Variants in JAKMIP1 observed in about 807,000 individuals in gnomAD.
JAKMIP1 encodes the protein janus kinase and microtubule-interacting protein 1.
Under a neutral mutation model 113.0 loss-of-function variants are expected in JAKMIP1, and 33 were observed. The observed-to-expected ratio is 0.29, with a 90% CI of 0.22 to 0.39. JAKMIP1 has a LOEUF of 0.39. Among genes scored for constraint, JAKMIP1 ranks in the 10% least tolerant of loss-of-function variants. The pLI is 1.00. For synonymous variants in JAKMIP1, 480 were observed against 459.9 expected (o/e 1.04, Z -0.56); for missense variants, 813 against 1,080.5 (o/e 0.75, Z 3.47).
chr4:6,121,094 G>T (rs2108908504), intron 1 of JAKMIP1, among the ~76,000 whole-genome samples: 1 of 151,746 alleles, frequency 6.6e-6, no homozygotes, highest in African/African-American at 2.4e-5. Flanking sequence ...CAGCTACTTG[G>T]GAGGCTGAGG....
chr4:6,126,614 A>C (rs559591666), intron 1 of JAKMIP1, among the ~76,000 whole-genome samples: 7 of 138,042 alleles, frequency 5.1e-5, no homozygotes, highest in African/African-American at 1.6e-4. Context: ...CACCATGCAG[A>C]AACACACACA....
intron 1 of JAKMIP1, among the ~76,000 whole-genome samples, chr4:6,173,045 G>C (rs1338077206): frequency 1.3e-5 from 2 of 152,286 alleles, no homozygotes; most frequent in South Asian, 2.1e-4. Flanking sequence ...GATTAACAAA[G>C]GATAAACAAT....
At chr4:6,107,002 C>T (rs895060254) in intron 2 of JAKMIP1, among the ~76,000 whole-genome samples, 1 of 152,086 alleles carries the variant, frequency 6.6e-6, no homozygotes, top group Non-Finnish European at 1.5e-5. Context: ...TTGATAAATC[C>T]TTACTTAAAA....
In JAKMIP1 at chr4:6,085,604, C is replaced by T. The variant is rs748298581; in HGVS notation, c.650G>A (p.Arg217His). The T allele has an allele frequency of 6.8e-6, 11 of 1,614,020 alleles. No homozygotes were observed. Among genetic ancestry groups the T allele is most frequent in the Non-Finnish European group, 4.2e-6 (5 of 1,180,042 alleles). The change falls in exon 4 of 21, where the codon CGT (arginine) becomes CAT (histidine). Residue 217 changes from arginine to histidine, a missense_variant. Arg to His is a conservative substitution (Grantham distance 29). Around this residue, in one of 2 missense-constraint regions of JAKMIP1, gnomAD observed 540 missense variants for 653.9 expected, o/e 0.83. Transcript: ENST00000409021. ...TTCCTTCTCCAAGGCCAGAATCACACGGTCTTTCCCTTTGATCTCATCCAT... is the reference window on the plus strand; with the variant it reads ...TTCCTTCTCCAAGGCCAGAATCACATGGTCTTTCCCTTTGATCTCATCCAT... ...RLMDEIKGKD[R>H]VILALEKELG...
At chr4:6,046,587 T>TG (rs1225417127) in intron 16 of JAKMIP1, among the ~76,000 whole-genome samples, 2 of 74,078 alleles carry the variant, frequency 2.7e-5, no homozygotes, top group Non-Finnish European at 5.6e-5. Context: ...CGGGCGGCAG[T>TG]GGGGGTGGGC....
intron 3 of JAKMIP1, among the ~76,000 whole-genome samples, chr4:6,092,803 AT>A (rs1458170052): frequency 6.6e-6 from 1 of 152,188 alleles, no homozygotes; most frequent in Non-Finnish European, 1.5e-5. Context: ...ATTCCCCCAG[AT>A]TCAGGTGCAG....
At chr4:6,170,299 C>T (rs114186108) in intron 1 of JAKMIP1, among the ~76,000 whole-genome samples, 6,205 of 143,740 alleles carry the variant, frequency 0.043, 188 homozygotes, top group African/African-American at 0.065. Flanking sequence ...TCACTGTCAA[C>T]ACCATCATAA....
rs1337722975 is a variant in JAKMIP1 at position 6,097,460 on chromosome 4, A to G, written c.624+8013T>C. On this transcript the variant is annotated intron_variant, in intron 3 of 20. Transcript: ENST00000409021. The surrounding 1 kb of genome is among the most constrained non-coding windows in gnomAD (Gnocchi z 4.3). ...AGCTCTATCACAGCTGATGGGGGCT[A>G]GGGGGATCTTTTTTCCCCTTGGGTA... is the stretch of plus-strand genomic sequence containing the variant. Among the ~76,000 whole-genome samples the G allele has an allele frequency of 5.9e-5, 9 of 152,282 alleles. No individual in the cohort carries two copies. The East Asian group carries it at 1.7e-3, about 29-fold the overall frequency.
chr4:6,043,032 C>T (rs1471711986), intron 16 of JAKMIP1, among the ~76,000 whole-genome samples: 5 of 151,942 alleles, frequency 3.3e-5, no homozygotes, highest in Admixed American at 6.5e-5. Flanking sequence ...GCCCCTAAAA[C>T]GGGAGGAAGT....
At chr4:6,048,426 T>A (rs994161587) in intron 16 of JAKMIP1, among the ~76,000 whole-genome samples, 9 of 152,170 alleles carry the variant, frequency 5.9e-5, no homozygotes, top group African/African-American at 1.9e-4. Flanking sequence ...ATATAACAGC[T>A]AAGAGGGGCT....
chr4:6,057,322 G>A (rs1356210704), intron 11 of JAKMIP1, among the ~76,000 whole-genome samples: 4 of 152,200 alleles, frequency 2.6e-5, no homozygotes, highest in South Asian at 2.1e-4. Context: ...ATAAGTAAAC[G>A]CATGGGAAGC....
At chr4:6,170,346 TCACCACCAC>T (rs376955827) in intron 1 of JAKMIP1, among the ~76,000 whole-genome samples, 2 of 37,312 alleles carry the variant, frequency 5.4e-5, no homozygotes, top group African/African-American at 1.6e-4. Flanking sequence ...CCCACCCTTC[TCACCACCAC>T]CACCACCACC....
rs902961856 is a variant in JAKMIP1 at position 6,026,283 on chromosome 4, A to G, written c.2446-5T>C. 1 of 1,287,672 alleles carries G rather than the reference A, an allele frequency of 7.8e-7. No homozygotes were observed. The highest frequency in any genetic ancestry group is 2.5e-5 in the East Asian group (1 of 39,778). 79.8% of individuals were successfully genotyped at this position (1,287,672 alleles called of 1,614,324 possible). On this transcript the variant is annotated splice_polypyrimidine_tract_variant and splice_region_variant and intron_variant, in intron 20 of 20. Transcript: ENST00000409021. ...AAACAAAAAAAGGAACAAAAACTAT[A>G]AAATAATACCAAAAGAAAATGAGGA...
At position 6,100,513 on chromosome 4, in the gene JAKMIP1, G is replaced by A. The variant is rs116190051; in HGVS notation, c.624+4960C>T. Among the ~76,000 whole-genome samples, 814 of 152,216 alleles carry A rather than the reference G, an allele frequency of 5.3e-3. 5 individuals carry two copies. Among genetic ancestry groups the A allele is most frequent in the African/African-American group, 0.018 (755 of 41,530 alleles). ...GAGGACATTTGGGCTTCTCCCATTCGTTGACTATTATAATGCTATAAGCAT... is the reference window on the plus strand; with the variant it reads ...GAGGACATTTGGGCTTCTCCCATTCATTGACTATTATAATGCTATAAGCAT... On this transcript the variant is annotated intron_variant, in intron 3 of 20. Transcript: ENST00000409021.
chr4:6,090,342 C>T (rs557523693), intron 3 of JAKMIP1, among the ~76,000 whole-genome samples: 59 of 152,302 alleles, frequency 3.9e-4, no homozygotes, highest in Admixed American at 6.5e-4. Flanking sequence ...CTGCCGGCCA[C>T]ACCAGAAGCT....
intron 19 of JAKMIP1, among the ~76,000 whole-genome samples, chr4:6,030,239 G>A (rs565505332): frequency 3.0e-4 from 45 of 152,224 alleles, no homozygotes; most frequent in African/African-American, 1.1e-3. Flanking sequence ...CAGCCTGGGG[G>A]ATGGGGGGAG....
rs986656727 is a variant in JAKMIP1, at chr4:6,156,613, T to C, written c.-147-43616A>G. On this transcript the variant is annotated intron_variant, in intron 1 of 20. Coordinates refer to ENST00000409021, the MANE Select transcript of JAKMIP1 (RefSeq NM_001099433.2). This position sits in a 1 kb window ranked among gnomAD's most constrained non-coding sequence, Gnocchi z 5.0. ...TAGCTACTGAGATGCAACTCAAAGA[T>C]CTGATGCATGTGGAAGGCTTTCATC... Among the ~76,000 whole-genome samples, 5 of 152,228 alleles carry C rather than the reference T, an allele frequency of 3.3e-5. No individual in the cohort carries two copies. The highest frequency in any genetic ancestry group is 9.6e-5 in the African/African-American group (4 of 41,464).
intron 1 of JAKMIP1, among the ~76,000 whole-genome samples, chr4:6,190,971 G>A (rs779637988): frequency 3.3e-5 from 5 of 152,326 alleles, no homozygotes; most frequent in Admixed American, 6.5e-5. Context: ...AACTGCCCTC[G>A]GCAATCAGAG....
In JAKMIP1 at chr4:6,089,388, A is replaced by G. The variant is rs987238244; in HGVS notation, c.625-3759T>C. On this transcript the variant is annotated intron_variant, in intron 3 of 20. Transcript: ENST00000409021. The surrounding 1 kb of genome is among the most constrained non-coding windows in gnomAD (Gnocchi z 5.3). ...AAGAACGACAAACTTGATGTTGGCT[A>G]TCACTCCTCTCTTAATGCTAGCGTG... Among the ~76,000 whole-genome samples, 8 of 152,358 alleles carry G rather than the reference A, an allele frequency of 5.3e-5. No homozygotes were observed. The highest frequency in any genetic ancestry group is 3.4e-3 in the Middle Eastern group (1 of 294).
Sources: allele counts gnomAD v4.1 joint callset (sites outside exome capture counted in the v4.1 genomes callset), GRCh38; gene constraint gnomAD v4.1.1; regional missense constraint gnomAD v4.1.1; non-coding constraint Gnocchi (gnomAD v3.1); transcripts MANE v1.5; gene names NCBI Gene and HGNC (gene_info 2026-07-23, HGNC 2026-07-21).